The following GPBP1L1 variants were observed in gnomAD, a reference collection of about 807,000 sequenced individuals.
GPBP1L1 encodes vasculin-like protein 1.
In GPBP1L1, 23 loss-of-function variants were observed where a neutral mutation model predicts 52.5. That is an observed-to-expected ratio of 0.44 (90% CI 0.32 to 0.62). The LOEUF (loss-of-function observed/expected upper bound fraction) is 0.62, where lower values mean the gene tolerates loss of function less well. Among genes scored for constraint, GPBP1L1 ranks in the 20% least tolerant of loss-of-function variants. The pLI, the probability that GPBP1L1 is intolerant of heterozygous loss-of-function variation, is 0.06. For missense variants in GPBP1L1, 596 were observed against 579.3 expected (o/e 1.03, Z -0.30); for synonymous variants, 243 against 203.1 (o/e 1.20, Z -1.67).
chr1:45,679,461 C>T (rs1645185979), intron 2 of GPBP1L1, among the ~76,000 whole-genome samples: 1 of 152,164 alleles, frequency 6.6e-6, no homozygotes, highest in Admixed American at 6.5e-5. Context: ...ATCTGACTGG[C>T]ACAGTTTGGG....
chr1:45,643,871 T>C (rs1012056393), intron 6 of GPBP1L1, among the ~76,000 whole-genome samples: 7 of 152,152 alleles, frequency 4.6e-5, no homozygotes, highest in African/African-American at 1.7e-4. Flanking sequence ...GGTTTCACCA[T>C]GCTGGCCAGG....
intron 2 of GPBP1L1, among the ~76,000 whole-genome samples, chr1:45,683,929 A>G (rs1645245253): frequency 6.6e-6 from 1 of 151,264 alleles, no homozygotes; most frequent in Non-Finnish European, 1.5e-5. Context: ...ATCAAAAACA[A>G]AACAAAACAA....
intron 8 of GPBP1L1, among the ~76,000 whole-genome samples, chr1:45,638,578 T>C (rs1644627026): frequency 6.6e-6 from 1 of 152,168 alleles, no homozygotes; most frequent in Non-Finnish European, 1.5e-5. Context: ...TCTTCCATCC[T>C]CTTCTCTTGT....
rs577733749 is a variant in GPBP1L1 at position 45,639,648 on chromosome 1, G to A, written c.744+562C>T. 1.8e-4 allele frequency among the ~76,000 whole-genome samples: 27 copies of A among 151,934 alleles called. No homozygotes were observed. In the South Asian group the frequency reaches 2.1e-3, roughly 12 times the overall value. ...TCCCAGCACCTTGGGAGGCCGAGGC[G>A]GGCGGATCACGAGGTCAGGAGATTG... is the stretch of plus-strand genomic sequence containing the variant. On this transcript the variant is annotated intron_variant, in intron 8 of 12. Coordinates refer to ENST00000355105, the MANE Select transcript of GPBP1L1 (RefSeq NM_021639.5).
At chr1:45,637,693 A>AT (rs1475998140) in intron 8 of GPBP1L1, among the ~76,000 whole-genome samples, 2 of 151,962 alleles carry the variant, frequency 1.3e-5, no homozygotes, top group Non-Finnish European at 2.9e-5. Flanking sequence ...TCATTTTTAT[A>AT]TTTTCTGTAG....
At chr1:45,662,088 C>T (rs1306646842) in intron 2 of GPBP1L1, among the ~76,000 whole-genome samples, 2 of 152,148 alleles carry the variant, frequency 1.3e-5, no homozygotes, top group Non-Finnish European at 2.9e-5. Flanking sequence ...TTGTTAGGCA[C>T]GGAGTGAAAC....
chr1:45,629,517 C>T, intron 12 of GPBP1L1, 59 bp downstream of exon 12: 1 of 688,856 alleles, frequency 1.5e-6, no homozygotes, highest in Non-Finnish European at 2.3e-6. Flanking sequence ...CAAGAACTGT[C>T]TTGACTCCTT....
rs1644565356 is a variant in GPBP1L1 at position 45,634,137 on chromosome 1, C to T, written c.844G>A (p.Val282Met). ...FTSPISVTKPVVLASGAALSS... is the reference protein window; with the variant it reads ...FTSPISVTKPMVLASGAALSS... ...AGAGCTGCACCACTAGCCAGTACCA[C>T]TGGTTTGGTAACAGAGATTGGACTG... Residue 282 changes from valine (V) to methionine (M), a missense_variant, in exon 9 of 13, where the codon GTG becomes ATG. Val to Met is a conservative substitution (Grantham distance 21). Transcript: ENST00000355105. 1 of 1,614,054 alleles carries T rather than the reference C, an allele frequency of 6.2e-7. No homozygotes were observed. The highest frequency in any genetic ancestry group is 8.5e-7 in the Non-Finnish European group (1 of 1,179,918).
intron 2 of GPBP1L1, among the ~76,000 whole-genome samples, chr1:45,679,392 A>C (rs1223995831): frequency 1.3e-5 from 2 of 152,214 alleles, no homozygotes; most frequent in Non-Finnish European, 2.9e-5. Flanking sequence ...AATGAACTCC[A>C]AACGGTCCTT....
At chr1:45,665,116 CCCG>C (rs1644994273) in intron 2 of GPBP1L1, among the ~76,000 whole-genome samples, 1 of 151,932 alleles carries the variant, frequency 6.6e-6, no homozygotes, top group Non-Finnish European at 1.5e-5. Context: ...TGGTGAAACC[CCCG>C]TCTCTACTAT....
Position 45,630,498 on chromosome 1 carries a change from G to T in GPBP1L1, c.1153C>A (p.Leu385Ile), listed in dbSNP as rs759682858. The change falls in exon 11 of 13, where the codon CTA becomes ATA. Residue 385 changes from leucine to isoleucine, a missense_variant. Physicochemically the swap from Leu to Ile is conservative, Grantham distance 5. Coordinates refer to ENST00000355105, the MANE Select transcript of GPBP1L1 (RefSeq NM_021639.5). Reference protein sequence around the residue: ...VEEGEVLSHSLEAEHRLLKAM... With the variant: ...VEEGEVLSHSIEAEHRLLKAM... The stretch of plus-strand genomic sequence containing the variant: ...CTCACTTACCTGTGCTCTGCTTCTA[G>T]AGAGTGTGAGAGAACCTCCCCTTCT... 6.2e-7 allele frequency: 1 copy of T among 1,613,954 alleles called. No homozygotes were observed. Among genetic ancestry groups the T allele is most frequent in the Non-Finnish European group, 8.5e-7 (1 of 1,179,846 alleles).
At chr1:45,683,909 G>A (rs556304966) in intron 2 of GPBP1L1, among the ~76,000 whole-genome samples, 1 of 148,870 alleles carries the variant, frequency 6.7e-6, no homozygotes, top group South Asian at 2.1e-4. Flanking sequence ...GTGACAGAGT[G>A]AGACCCCGTA....
intron 2 of GPBP1L1, among the ~76,000 whole-genome samples, chr1:45,671,561 G>C (rs1645073700): frequency 6.6e-6 from 1 of 152,170 alleles, no homozygotes; most frequent in African/African-American, 2.4e-5. Context: ...GTACATGCCT[G>C]TAATTCCAGC....
chr1:45,639,774 G>C (rs565292303), intron 8 of GPBP1L1, among the ~76,000 whole-genome samples: 21 of 152,012 alleles, frequency 1.4e-4, no homozygotes, highest in Non-Finnish European at 2.9e-4. Flanking sequence ...CCAGCTACTC[G>C]GGAGGCTGAG....
rs762337049 is a variant in GPBP1L1 at position 45,651,550 on chromosome 1, A to C, written c.477+2993T>G. On this transcript the variant is annotated intron_variant, in intron 6 of 12. Coordinates refer to ENST00000355105, the MANE Select transcript of GPBP1L1 (RefSeq NM_021639.5). ...ACTTGTGGGCCAGCTTAAGTAGCTGAGTAGCTGTTTGGCAGCGCAAGGCCT... is the reference window on the plus strand; with the variant it reads ...ACTTGTGGGCCAGCTTAAGTAGCTGCGTAGCTGTTTGGCAGCGCAAGGCCT... 203 of 570,210 alleles carry C rather than the reference A, an allele frequency of 3.6e-4. 5 individuals carry two copies. In the Middle Eastern group the frequency reaches 8.1e-3, roughly 23 times the overall value. The allele number at this position is 570,210 out of a possible 1,614,324, so 35.3% of individuals were successfully genotyped here. A position where few individuals can be genotyped will look rare whatever the true frequency, so the allele number is the denominator to read the frequency against.
intron 2 of GPBP1L1, among the ~76,000 whole-genome samples, chr1:45,665,323 A>G (rs1277380184): frequency 6.6e-6 from 1 of 152,118 alleles, no homozygotes; most frequent in Non-Finnish European, 1.5e-5. Context: ...GATTCTTTCT[A>G]ATATGAGATG....
intron 6 of GPBP1L1, chr1:45,651,471 C>T: frequency 2.2e-6 from 1 of 444,910 alleles, no homozygotes. Flanking sequence ...CAGCTTTCTT[C>T]TCAGCCTGGG....
At position 45,660,434 on chromosome 1, in the gene GPBP1L1, A is replaced by G. The variant is rs375634917; in HGVS notation, c.-306T>C. The G allele has an allele frequency of 3.1e-6, 3 of 982,546 alleles. No individual in the cohort carries two copies. The allele number at this position is 982,546 out of a possible 1,614,324, so 60.9% of individuals were successfully genotyped here. On this transcript the variant is annotated 5_prime_UTR_variant, in exon 3 of 13. Transcript: ENST00000355105. Reference sequence around the variant, plus strand: ...AGGGGAAGGGGGGAAGGGGAACATAAAAAGTATTTGTTACATTTAAAAAGG... The same window carrying G: ...AGGGGAAGGGGGGAAGGGGAACATAGAAAGTATTTGTTACATTTAAAAAGG...
rs1015031881 is a variant in GPBP1L1 at position 45,660,700 on chromosome 1, C to T, written c.-572G>A. On this transcript the variant is annotated 5_prime_UTR_variant, in exon 3 of 13. It introduces an in-frame stop codon into an upstream open reading frame of the 5' UTR. Transcript: ENST00000355105. Reference sequence around the variant, plus strand: ...TCTGAGCAGTCAACTCCAAAACATCCACATGACAAAGTCCTTAAAATACAA... The same window carrying T: ...TCTGAGCAGTCAACTCCAAAACATCTACATGACAAAGTCCTTAAAATACAA... 1 of 229,612 alleles carries T rather than the reference C, an allele frequency of 4.4e-6. No individual in the cohort carries two copies. Among genetic ancestry groups the T allele is most frequent in the African/African-American group, 2.3e-5 (1 of 42,780 alleles). 14.2% of individuals were successfully genotyped at this position (229,612 alleles called of 1,614,324 possible). A position where few individuals can be genotyped will look rare whatever the true frequency, so the allele number is the denominator to read the frequency against.
Sources: gnomAD v4.1 joint callset for allele counts (sites outside exome capture counted in the v4.1 genomes callset) on GRCh38, gnomAD v4.1.1 for gene constraint, MANE v1.5 for transcripts, NCBI Gene and HGNC (gene_info 2026-07-23, HGNC 2026-07-21) for gene names.